Variants in ERC1 observed in about 807,000 individuals in gnomAD.
ERC1 encodes the protein RAB6 interacting protein 2.
A neutral mutation model predicts 132.0 loss-of-function variants in ERC1; 56 were observed. The ratio of observed to expected loss-of-function variants is 0.42; its 90% CI spans 0.34 to 0.53. The LOEUF (loss-of-function observed/expected upper bound fraction) is 0.53. Among genes scored for constraint, ERC1 ranks in the 20% least tolerant of loss-of-function variants. The pLI, the probability that ERC1 is intolerant of heterozygous loss-of-function variation, is 0.03. For missense variants in ERC1, 1,202 were observed against 1,349.9 expected (o/e 0.89, Z 1.72); for synonymous variants, 478 against 476.1 (o/e 1.00, Z -0.05).
In ERC1 at chr12:1,172,492, TTTC is replaced by T. The variant is rs60784199; in HGVS notation, c.1738-8045_1738-8043del. 5.0e-3 allele frequency among the ~76,000 whole-genome samples: 760 copies of T among 152,268 alleles called. 6 individuals carry two copies. The highest frequency in any genetic ancestry group is 0.017 in the African/African-American group (714 of 41,554). ...CAAAAACAGAACAAACAAATATGTA[TTTC>T]TTGAGTTTACTACTCAATAATGATA... On this transcript the variant is annotated intron_variant, in intron 8 of 18. Transcript: ENST00000360905.
chr12:1,358,314 A>G (rs7136366), intron 15 of ERC1, among the ~76,000 whole-genome samples: 262 of 152,076 alleles, frequency 1.7e-3, no homozygotes, highest in African/African-American at 6.0e-3. Flanking sequence ...TCTAAGTCCA[A>G]TAATGATCAA....
At chr12:1,399,300 C>A (rs957162829) in intron 16 of ERC1, among the ~76,000 whole-genome samples, 1 of 152,108 alleles carries the variant, frequency 6.6e-6, no homozygotes, top group African/African-American at 2.4e-5. Context: ...TACATGGCTG[C>A]ACATTGGCTT....
intron 16 of ERC1, among the ~76,000 whole-genome samples, chr12:1,402,667 C>T (rs566428703): frequency 1.6e-5 from 2 of 122,866 alleles, no homozygotes; most frequent in South Asian, 2.4e-4. Context: ...AAAATAAAAA[C>T]AAATTAAATG....
chr12:1,258,064 A>G (rs1173779537), intron 13 of ERC1, among the ~76,000 whole-genome samples: 1 of 152,212 alleles, frequency 6.6e-6, no homozygotes, highest in Non-Finnish European at 1.5e-5. Flanking sequence ...TATATTAGCT[A>G]AAGAAGAATA....
intron 17 of ERC1, among the ~76,000 whole-genome samples, chr12:1,415,157 C>T (rs1212032387): frequency 2.0e-5 from 3 of 152,152 alleles, no homozygotes; most frequent in East Asian, 1.9e-4. Context: ...GAAAATCCTT[C>T]GGGTAGAAAC....
chr12:1,112,099 A>T (rs1945944581), intron 5 of ERC1, 116 bp from the exon 6 acceptor site: 5 of 688,746 alleles, frequency 7.3e-6, no homozygotes, highest in Non-Finnish European at 1.3e-5. Flanking sequence ...AGGGGAACAG[A>T]TTTGATTGTA....
intron 18 of ERC1, among the ~76,000 whole-genome samples, chr12:1,470,558 G>A (rs1249090046): frequency 6.6e-6 from 1 of 151,858 alleles, no homozygotes; most frequent in East Asian, 1.9e-4. Flanking sequence ...GATTCCCAGA[G>A]CCCTGCTGCT....
At chr12:1,197,437 AGAAGAGGAG>A (rs548009576) in intron 12 of ERC1, among the ~76,000 whole-genome samples, 485 of 152,212 alleles carry the variant, frequency 3.2e-3, no homozygotes, top group Non-Finnish European at 4.3e-3. Flanking sequence ...CTCACCTCCT[AGAAGAGGAG>A]GCTGTAGACA....
chr12:1,398,961 GTT>G lies in ERC1; in HGVS notation c.2926-9187_2926-9186del, dbSNP rs2090785865. On this transcript the variant is annotated intron_variant, in intron 16 of 18. Coordinates refer to ENST00000360905, the MANE Select transcript of ERC1 (RefSeq NM_178040.4). Reference sequence around the variant, plus strand: ...TTTTTTTTTTTTTTTTTTTTTTTTTGTTGAAACAAGGTCTCACTCTGTCAACC... The same window carrying G: ...TTTTTTTTTTTTTTTTTTTTTTTTTGGAAACAAGGTCTCACTCTGTCAACC... Among the ~76,000 whole-genome samples, 3 of 36,096 alleles carry G rather than the reference GTT, an allele frequency of 8.3e-5. 1 individual carries two copies. The South Asian group carries it at 3.2e-3, about 39-fold the overall frequency. The allele number at this position is 36,096 out of a possible 152,430, so 23.7% of individuals were successfully genotyped here.
At chr12:1,118,223 T>C (rs1206899926) in intron 7 of ERC1, among the ~76,000 whole-genome samples, 1 of 152,202 alleles carries the variant, frequency 6.6e-6, no homozygotes, top group Non-Finnish European at 1.5e-5. Context: ...GCTACTGTAA[T>C]AGCTTTGGAT....
intron 15 of ERC1, among the ~76,000 whole-genome samples, chr12:1,354,838 C>T (rs2085370589): frequency 6.6e-6 from 1 of 152,050 alleles, no homozygotes; most frequent in South Asian, 2.1e-4. Flanking sequence ...GACGGGGTGT[C>T]ACCAAGTTGG....
chr12:1,369,296 A>G (rs1233364491), intron 15 of ERC1, among the ~76,000 whole-genome samples: 1 of 152,232 alleles, frequency 6.6e-6, no homozygotes, highest in Non-Finnish European at 1.5e-5. Flanking sequence ...CATACCATTT[A>G]TGAAAGAGTT....
At chr12:1,465,285 A>G (rs1249111959) in intron 18 of ERC1, among the ~76,000 whole-genome samples, 3 of 152,160 alleles carry the variant, frequency 2.0e-5, no homozygotes, top group African/African-American at 7.2e-5. Flanking sequence ...TGTGGAAATG[A>G]CAGTCTTCCG....
At chr12:1,003,095 G>GT (rs1491168383) in intron 1 of ERC1, among the ~76,000 whole-genome samples, 1 of 6,368 alleles carries the variant, frequency 1.6e-4, no homozygotes, top group Non-Finnish European at 5.6e-4. Flanking sequence ...TATGAAAAAT[G>GT]CAAAAAAAAA....
At chr12:1,290,826 A>G (rs926898965) in intron 15 of ERC1, among the ~76,000 whole-genome samples, 1 of 152,058 alleles carries the variant, frequency 6.6e-6, no homozygotes, top group African/African-American at 2.4e-5. Flanking sequence ...TTTCTGTCTC[A>G]GAGAATAGGT....
At chr12:1,422,600 T>C (rs1296260578) in intron 17 of ERC1, among the ~76,000 whole-genome samples, 2 of 152,222 alleles carry the variant, frequency 1.3e-5, no homozygotes. Flanking sequence ...ATTCGTCTGT[T>C]GATGGATACT....
chr12:1,196,461 T>G (rs1025087477), intron 12 of ERC1, among the ~76,000 whole-genome samples: 9 of 151,786 alleles, frequency 5.9e-5, no homozygotes, highest in Non-Finnish European at 1.2e-4. Context: ...ACTTTTTGGG[T>G]TGGGGGGGTA....
intron 15 of ERC1, among the ~76,000 whole-genome samples, chr12:1,305,776 A>AT (rs1284537406): frequency 6.6e-5 from 10 of 151,916 alleles, no homozygotes; most frequent in Non-Finnish European, 1.2e-4. Context: ...GTCAACTGTT[A>AT]TTTTTGTAAT....
chr12:1,413,995 T>C (rs958385427), intron 17 of ERC1, among the ~76,000 whole-genome samples: 1 of 152,196 alleles, frequency 6.6e-6, no homozygotes, highest in Admixed American at 6.5e-5. Flanking sequence ...AGGCATCAGT[T>C]AGATTCTCAT....
Sources: allele counts gnomAD v4.1 joint callset (sites outside exome capture counted in the v4.1 genomes callset), GRCh38; gene constraint gnomAD v4.1.1; transcripts MANE v1.5; gene names NCBI Gene and HGNC (gene_info 2026-07-23, HGNC 2026-07-21).